The following EBPL variants were observed in gnomAD, a reference collection of about 807,000 sequenced individuals.
The protein encoded by EBPL is emopamil-binding protein-like.
Under a neutral mutation model 19.0 loss-of-function variants are expected in EBPL, and 20 were observed. The observed-to-expected ratio is 1.05, with a 90% CI of 0.74 to 1.53. The LOEUF (loss-of-function observed/expected upper bound fraction) is 1.53. Ranked by LOEUF, EBPL falls within the 40% of genes most tolerant of loss-of-function variation. The probability of loss-of-function intolerance (pLI) is 0.00; values close to 1 mark genes in which losing one functional copy is unlikely to be tolerated. For synonymous variants in EBPL, 107 were observed against 117.0 expected, an observed-to-expected ratio of 0.91 and a Z score of 0.55; for missense variants, 219 against 261.1, an observed-to-expected ratio of 0.84 and a Z score of 1.11.
At chr13:49,689,827 C>T (rs1268708602) in intron 1 of EBPL, among the ~76,000 whole-genome samples, 1 of 152,148 alleles carries the variant, frequency 6.6e-6, no homozygotes, top group East Asian at 1.9e-4. Context: ...TGTGGGAAAC[C>T]TTGTGTTCAA....
intron 1 of EBPL, among the ~76,000 whole-genome samples, chr13:49,677,315 T>C (rs575071885): frequency 6.6e-6 from 1 of 152,320 alleles, no homozygotes; most frequent in East Asian, 1.9e-4. Flanking sequence ...TCAATCCTGC[T>C]GCATCCCACC....
At chr13:49,666,636 C>G (rs991590372) in intron 2 of EBPL, among the ~76,000 whole-genome samples, 1 of 142,266 alleles carries the variant, frequency 7.0e-6, no homozygotes, top group African/African-American at 2.6e-5. Flanking sequence ...GGCATGAACC[C>G]AAGAGGCGGA....
intron 1 of EBPL, among the ~76,000 whole-genome samples, chr13:49,674,505 CT>C (rs1468092620): frequency 7.9e-5 from 12 of 151,462 alleles, no homozygotes; most frequent in African/African-American, 2.9e-4. Context: ...GTATGTGAAT[CT>C]ACAATTACCT....
At chr13:49,685,531 A>G (rs948878639) in intron 1 of EBPL, among the ~76,000 whole-genome samples, 5 of 152,196 alleles carry the variant, frequency 3.3e-5, no homozygotes, top group African/African-American at 1.2e-4. Flanking sequence ...ACGCCCCAGA[A>G]TCTCGTCCCA....
intron 1 of EBPL, among the ~76,000 whole-genome samples, chr13:49,670,619 C>T (rs1953802300): frequency 6.6e-6 from 1 of 152,182 alleles, no homozygotes; most frequent in Non-Finnish European, 1.5e-5. Context: ...TTGCAGTTCC[C>T]GCGGTGATTT....
intron 1 of EBPL, among the ~76,000 whole-genome samples, chr13:49,680,392 AAGGG>A (rs1953929274): frequency 6.6e-6 from 1 of 152,230 alleles, no homozygotes; most frequent in African/African-American, 2.4e-5. Context: ...AACAATGAAA[AAGGG>A]AGGGAGAGAA....
chr13:49,686,292 C>G (rs908031966), intron 1 of EBPL, among the ~76,000 whole-genome samples: 4 of 152,190 alleles, frequency 2.6e-5, no homozygotes, highest in Admixed American at 2.6e-4. Flanking sequence ...AGCCCCCAGC[C>G]TGCCCTGAGG....
In EBPL at chr13:49,679,351, TG is replaced by T. The variant is rs1953917596; in HGVS notation, c.172-9506del. ...GCCATCTGGAACTAAGATTCATGTTTGAGCTCAACAAGCACTGAGGATCTAA... is the reference window on the plus strand; with the variant it reads ...GCCATCTGGAACTAAGATTCATGTTTAGCTCAACAAGCACTGAGGATCTAA... On this transcript the variant is annotated intron_variant, in intron 1 of 3. Transcript: ENST00000242827. Among the ~76,000 whole-genome samples, 5 of 152,284 alleles carry T rather than the reference TG, an allele frequency of 3.3e-5. No homozygotes were observed. The South Asian group carries it at 1.0e-3, about 32-fold the overall frequency.
chr13:49,678,293 C>T (rs1453751427), intron 1 of EBPL, among the ~76,000 whole-genome samples: 1 of 152,222 alleles, frequency 6.6e-6, no homozygotes. Context: ...CGCACCAGGG[C>T]CGTGGGCAGA....
chr13:49,691,180 C>A, intron 1 of EBPL, 74 bp downstream of exon 1: 1 of 1,216,892 alleles, frequency 8.2e-7, no homozygotes, highest in Non-Finnish European at 1.0e-6. Context: ...CCGCAGGACC[C>A]CCTCACCCCG....
intron 2 of EBPL, chr13:49,668,402 T>C (rs76103167): frequency 2.1e-5 from 5 of 237,902 alleles, no homozygotes; most frequent in African/African-American, 9.5e-5. Context: ...TGAAACCCCG[T>C]CTCTACTAAA....
Position 49,686,721 on chromosome 13 carries a change from T to G in EBPL, c.171+4533A>C, listed in dbSNP as rs1035941904. ...CTATCTCCCCCAACTCAGAAAAGAA[T>G]TCCCAGCACTCTCTCTTCTGCCCTG... On this transcript the variant is annotated intron_variant, in intron 1 of 3. Coordinates refer to ENST00000242827, the MANE Select transcript of EBPL (RefSeq NM_032565.5). The G allele has an allele frequency of 4.5e-6, 4 of 892,392 alleles. No individual in the cohort carries two copies. In the African/African-American group the frequency reaches 7.1e-5, roughly 16 times the overall value. 55.3% of individuals were successfully genotyped at this position (892,392 alleles called of 1,614,324 possible).
Position 49,661,168 on chromosome 13 carries a change from C to G in EBPL, c.421G>C (p.Gly141Arg), listed in dbSNP as rs1323449979. Residue 141 changes from glycine (G) to arginine (R), a missense_variant, in exon 4 of 4, where the codon GGC (glycine) becomes CGC (arginine). This residue lies in a region of EBPL where 49 missense variants were observed against 94.1 expected (regional missense o/e 0.52). Coordinates refer to ENST00000242827, the MANE Select transcript of EBPL (RefSeq NM_032565.5). ...TCTGGGAGGAAGGTCATCCAGCAGC[C>G]ATACAGCTCGCACACGCACAGGGTG... is the stretch of plus-strand genomic sequence containing the variant. Reference protein sequence around the residue: ...QITLCVCELYGCWMTFLPEWL... With the variant: ...QITLCVCELYRCWMTFLPEWL... 1 of 1,614,012 alleles carries G rather than the reference C, an allele frequency of 6.2e-7. No individual in the cohort carries two copies. The highest frequency in any genetic ancestry group is 8.5e-7 in the Non-Finnish European group (1 of 1,180,024).
chr13:49,662,422 C>T (rs1965164041), intron 3 of EBPL, among the ~76,000 whole-genome samples: 2 of 152,124 alleles, frequency 1.3e-5, no homozygotes, highest in African/African-American at 4.8e-5. Context: ...CAGGAGTTTT[C>T]TTGAATGATT....
intron 1 of EBPL, among the ~76,000 whole-genome samples, chr13:49,685,863 A>AG (rs1208182232): frequency 6.6e-6 from 1 of 151,176 alleles, no homozygotes; most frequent in African/African-American, 2.4e-5. Flanking sequence ...AGAGAGAGAG[A>AG]GAAAAAAAAA....
chr13:49,690,418 C>CAAA (rs33964235), intron 1 of EBPL, among the ~76,000 whole-genome samples: 54 of 88,220 alleles, frequency 6.1e-4, no homozygotes, highest in Non-Finnish European at 8.4e-4. Context: ...GTCAACTTTA[C>CAAA]AAAAAAAAAA....
chr13:49,680,657 A>G (rs1953932459), intron 1 of EBPL, among the ~76,000 whole-genome samples: 1 of 152,160 alleles, frequency 6.6e-6, no homozygotes, highest in South Asian at 2.1e-4. Flanking sequence ...CCCCCACTCT[A>G]CTAAAAATAC....
intron 1 of EBPL, among the ~76,000 whole-genome samples, chr13:49,670,047 C>T (rs932355730): frequency 6.6e-6 from 1 of 152,186 alleles, no homozygotes; most frequent in African/African-American, 2.4e-5. Context: ...GGGTATGTCT[C>T]ACCCTAATGT....
At chr13:49,673,563 A>G (rs1444360895) in intron 1 of EBPL, among the ~76,000 whole-genome samples, 2 of 152,090 alleles carry the variant, frequency 1.3e-5, no homozygotes, top group Non-Finnish European at 2.9e-5. Context: ...TAGCCTCCCA[A>G]GTAGCTGGGA....
Sources: allele counts gnomAD v4.1 joint callset (sites outside exome capture counted in the v4.1 genomes callset), GRCh38; gene constraint gnomAD v4.1.1; regional missense constraint gnomAD v4.1.1; transcripts MANE v1.5; gene names NCBI Gene and HGNC (gene_info 2026-07-23, HGNC 2026-07-21).